LIAS: variants seen among roughly 807,000 people sequenced by gnomAD.
LIAS encodes lipoyl synthase, mitochondrial.
In LIAS, 36 loss-of-function variants were observed where a neutral mutation model predicts 49.4. The ratio of observed to expected loss-of-function variants is 0.73; its 90% CI spans 0.56 to 0.96. The LOEUF is 0.96. LIAS is among the 40% of genes least tolerant of loss of function. The pLI is 0.00. For missense variants in LIAS, 399 were observed against 456.3 expected (o/e 0.87, Z 1.14); for synonymous variants, 145 against 155.8 (o/e 0.93, Z 0.52).
chr4:39,468,493 G>GAAAAAAAAA (rs71643297), intron 7 of LIAS: 2 of 128,750 alleles, frequency 1.6e-5, no homozygotes, highest in African/African-American at 6.1e-5. Context: ...AAAGAGAAAG[G>GAAAAAAAAA]AAAAAAAAAA....
intron 4 of LIAS, chr4:39,464,335 C>CA (rs71192867): frequency 0.091 from 10,664 of 117,464 alleles, 494 homozygotes; most frequent in African/African-American, 0.15. Context: ...GACCCTGTTT[C>CA]AAAAAAAAAA....
At chr4:39,463,025 T>G (rs891348986) in intron 3 of LIAS, among the ~76,000 whole-genome samples, 2 of 151,972 alleles carry the variant, frequency 1.3e-5, no homozygotes, top group Non-Finnish European at 2.9e-5. Flanking sequence ...TACATAATTA[T>G]GTAAGGGAGT....
chr4:39,472,078 T>C (rs1745009544), intron 9 of LIAS, among the ~76,000 whole-genome samples: 2 of 151,620 alleles, frequency 1.3e-5, no homozygotes, highest in African/African-American at 2.4e-5. Flanking sequence ...TGTACTTATA[T>C]ATATACGTAT....
At chr4:39,476,092 G>C (rs1745185003) in intron 10 of LIAS, 1 of 152,176 alleles carries the variant, frequency 6.6e-6, no homozygotes. Context: ...AGAATGGTTA[G>C]AGTAATGTCC....
intron 6 of LIAS, chr4:39,467,144 A>G (rs1744788502): frequency 6.5e-6 from 1 of 152,696 alleles, no homozygotes. Flanking sequence ...TATAAGAAAT[A>G]CTTCAATTTA....
intron 7 of LIAS, chr4:39,468,492 G>GAAAA (rs1744844895): frequency 1.2e-5 from 1 of 84,362 alleles, no homozygotes; most frequent in African/African-American, 5.4e-5. Context: ...GAAAGAGAAA[G>GAAAA]GAAAAAAAAA....
chr4:39,463,824 T>TTA, intron 4 of LIAS: 1 of 964,992 alleles, frequency 1.0e-6, no homozygotes, highest in Non-Finnish European at 1.4e-6. Flanking sequence ...ATTTATGTGA[T>TTA]AGTTAATCAC....
chr4:39,467,431 A>G (rs758197812), intron 6 of LIAS, 87 bp from the exon 7 acceptor site: 8 of 1,321,008 alleles, frequency 6.1e-6, no homozygotes, highest in Admixed American at 2.5e-5. Context: ...GTTGAAGCAT[A>G]CTGAACGATT....
intron 6 of LIAS, chr4:39,466,885 A>G (rs933526512): frequency 6.6e-6 from 1 of 152,196 alleles, no homozygotes; most frequent in Non-Finnish European, 1.5e-5. Flanking sequence ...GCTGGTGTCA[A>G]AGGGAACAGC....
chr4:39,460,223 GAT>G lies in LIAS; in HGVS notation c.46-562_46-561del, dbSNP rs1410033415. Among the ~76,000 whole-genome samples, 12 of 152,106 alleles carry G rather than the reference GAT, an allele frequency of 7.9e-5. No individual in the cohort carries two copies. The East Asian group carries it at 2.3e-3, about 29-fold the overall frequency. On this transcript the variant is annotated intron_variant, in intron 1 of 10. Transcript: ENST00000640888. ...TGGTAGGTGGAGTACATGAAAGTGTGATATATGTTAGTTCCAGAGATTTTCGG... is the reference window on the plus strand; with the variant it reads ...TGGTAGGTGGAGTACATGAAAGTGTGATATGTTAGTTCCAGAGATTTTCGG...
chr4:39,469,928 AT>A (rs1744916745), intron 7 of LIAS, 90 bp from the exon 8 acceptor site: 1 of 1,154,942 alleles, frequency 8.7e-7, no homozygotes, highest in Admixed American at 2.1e-5. Flanking sequence ...AATGTGCAGA[AT>A]GTACTTCTCT....
In LIAS at chr4:39,470,050, C is replaced by G. The variant is rs1427248293; in HGVS notation, c.769C>G (p.Gln257Glu). The G allele has an allele frequency of 1.2e-6, 2 of 1,608,336 alleles. No homozygotes were observed. The highest frequency in any genetic ancestry group is 4.5e-5 in the East Asian group (2 of 44,822). ...KVRDPRANFD[Q>E]SLRVLKHAKK... ...TCGTGATCCTCGGGCCAATTTTGAT[C>G]AGTCCCTACGTGTACTGAAACATGC... Residue 257 changes from glutamine (Q) to glutamate (E), a missense_variant, in exon 8 of 11, where the codon CAG becomes GAG. By Grantham distance (29) the Gln-to-Glu change is conservative. Coordinates refer to ENST00000640888, the MANE Select transcript of LIAS (RefSeq NM_006859.4).
At chr4:39,471,517 ATTTTTTTTTTT>A (rs766866733) in intron 9 of LIAS, among the ~76,000 whole-genome samples, 1 of 74,320 alleles carries the variant, frequency 1.3e-5, no homozygotes, top group Non-Finnish European at 2.5e-5. Flanking sequence ...CATATATATA[ATTTTTTTTTTT>A]TTTTTTTTTT....
At chr4:39,465,837 T>G (rs1426765108) in intron 6 of LIAS, among the ~76,000 whole-genome samples, 1 of 152,076 alleles carries the variant, frequency 6.6e-6, no homozygotes, top group Non-Finnish European at 1.5e-5. Flanking sequence ...TTTTGTACTT[T>G]TAGTAGAGAT....
intron 7 of LIAS, chr4:39,468,273 A>G (rs575242870): frequency 1.8e-4 from 27 of 151,686 alleles, no homozygotes; most frequent in African/African-American, 6.3e-4. Context: ...TGAGGTTGGG[A>G]GTTCGAGACC....
intron 9 of LIAS, 110 bp from the exon 10 acceptor site, chr4:39,472,990 G>T: frequency 3.1e-6 from 2 of 644,324 alleles, no homozygotes; most frequent in East Asian, 2.9e-5. Flanking sequence ...CTGGGGGTGG[G>T]GGCAAGATAA....
intron 6 of LIAS, among the ~76,000 whole-genome samples, 181 bp downstream of exon 6, chr4:39,465,523 A>G (rs529585049): frequency 2.5e-4 from 38 of 152,222 alleles, no homozygotes; most frequent in Non-Finnish European, 4.9e-4. Context: ...GTACAGATAC[A>G]TATTTGCAGA....
Position 39,465,075 on chromosome 4 carries a change from C to T in LIAS, c.423C>T (p.Cys141=). The stretch of plus-strand genomic sequence containing the variant: ...TGGGTGACACATGTACAAGAGGTTG[C>T]AGATTTTGTTCTGTTAAGACTGCAA... The part of the protein sequence containing the change: ...MLMGDTCTRG[C]RFCSVKTARN... The change falls in exon 5 of 11, where the codon TGC becomes TGT. Residue 141 remains cysteine, a synonymous_variant. Transcript: ENST00000640888. The T allele has an allele frequency of 6.2e-7, 1 of 1,613,992 alleles. No individual in the cohort carries two copies. Among genetic ancestry groups the T allele is most frequent in the Non-Finnish European group, 8.5e-7 (1 of 1,179,946 alleles).
intron 7 of LIAS, chr4:39,468,521 A>ATTTTTT (rs1195313347): frequency 1.0e-4 from 14 of 139,576 alleles, no homozygotes; most frequent in Admixed American, 2.9e-4. Flanking sequence ...ATATATATAT[A>ATTTTTT]TTTTTTTATA....
Sources: allele counts gnomAD v4.1 joint callset (sites outside exome capture counted in the v4.1 genomes callset), GRCh38; gene constraint gnomAD v4.1.1; transcripts MANE v1.5; gene names NCBI Gene and HGNC (gene_info 2026-07-23, HGNC 2026-07-21).